Variants in TBC1D5 observed in about 807,000 individuals in gnomAD.
The protein encoded by TBC1D5 is TBC1 domain family member 5.
A neutral mutation model predicts 100.3 loss-of-function variants in TBC1D5; 75 were observed. The observed-to-expected ratio is 0.75, with a 90% CI of 0.62 to 0.91. The LOEUF is 0.91. Among genes scored for constraint, TBC1D5 ranks in the 40% least tolerant of loss-of-function variants. TBC1D5 has a pLI of 0.00. For missense variants in TBC1D5, 910 were observed against 942.4 expected (o/e 0.97, Z 0.45); for synonymous variants, 323 against 325.6 (o/e 0.99, Z 0.09).
intron 13 of TBC1D5, among the ~76,000 whole-genome samples, chr3:17,353,396 C>T (rs1486699546): frequency 6.6e-6 from 1 of 151,946 alleles, no homozygotes; most frequent in Non-Finnish European, 1.5e-5. Context: ...CTTTATAATA[C>T]ACTTTTTATA....
intron 2 of TBC1D5, among the ~76,000 whole-genome samples, chr3:17,535,221 A>C (rs1333366010): frequency 1.3e-5 from 2 of 152,192 alleles, no homozygotes; most frequent in African/African-American, 4.8e-5. Flanking sequence ...AAACACAGAG[A>C]GAAGAAACTT....
At chr3:17,631,086 CCAAGT>C (rs1211541007) in intron 1 of TBC1D5, among the ~76,000 whole-genome samples, 1 of 147,266 alleles carries the variant, frequency 6.8e-6, no homozygotes, top group Non-Finnish European at 1.5e-5. Context: ...AACCAAAAAG[CCAAGT>C]TGCAAATGCA....
intron 1 of TBC1D5, among the ~76,000 whole-genome samples, chr3:17,629,036 A>G (rs1474900106): frequency 6.6e-6 from 1 of 152,248 alleles, no homozygotes; most frequent in Non-Finnish European, 1.5e-5. Context: ...ATGCATTACT[A>G]AATCTAAATG....
rs61461313 is a variant in TBC1D5, at chr3:17,302,606, A to G, written c.1138+5386T>C. ...TTCCTTTGAGAAACTGATGAAAACT[A>G]TAGACATTTGACCCAGAGAAAGGCA... On this transcript the variant is annotated intron_variant, in intron 14 of 21. Coordinates refer to ENST00000253692, the Ensembl canonical transcript of TBC1D5. Among the ~76,000 whole-genome samples the G allele has an allele frequency of 9.2e-3, 1,393 of 152,236 alleles. 18 individuals are homozygous for G. The highest frequency in any genetic ancestry group is 0.031 in the African/African-American group (1,295 of 41,524).
At chr3:17,326,528 A>T (rs1050679490) in intron 13 of TBC1D5, among the ~76,000 whole-genome samples, 7 of 152,210 alleles carry the variant, frequency 4.6e-5, no homozygotes, top group Non-Finnish European at 1.0e-4. Context: ...GCTGGAGTAT[A>T]GCTGTACAAT....
At chr3:17,176,624 G>T (rs1428842750) in intron 19 of TBC1D5, among the ~76,000 whole-genome samples, 2 of 152,054 alleles carry the variant, frequency 1.3e-5, no homozygotes, top group African/African-American at 4.8e-5. Context: ...CACAGGGAGG[G>T]GAACATCATA....
intron 2 of TBC1D5, among the ~76,000 whole-genome samples, chr3:17,608,885 C>G (rs377282152): frequency 1.3e-5 from 2 of 152,312 alleles, no homozygotes; most frequent in East Asian, 1.9e-4. Context: ...GCCCAATTTA[C>G]TTAAGAGTAT....
At chr3:17,386,796 T>C (rs1353945711) in intron 8 of TBC1D5, among the ~76,000 whole-genome samples, 1 of 152,168 alleles carries the variant, frequency 6.6e-6, no homozygotes, top group African/African-American at 2.4e-5. Context: ...TTAAACTCCA[T>C]TAAATTTAAT....
intron 13 of TBC1D5, among the ~76,000 whole-genome samples, chr3:17,371,441 G>A (rs772828357): frequency 1.3e-5 from 2 of 152,054 alleles, no homozygotes; most frequent in Non-Finnish European, 2.9e-5. Context: ...ACTGAGCTCT[G>A]CAAATTATGT....
At chr3:17,171,687 C>T (rs1575725388) in intron 19 of TBC1D5, among the ~76,000 whole-genome samples, 4 of 152,098 alleles carry the variant, frequency 2.6e-5, no homozygotes, top group Admixed American at 2.6e-4. Context: ...CTAGTATGAT[C>T]TTATCTTCAC....
intron 2 of TBC1D5, among the ~76,000 whole-genome samples, chr3:17,556,015 A>G (rs1407333241): frequency 6.6e-6 from 1 of 151,914 alleles, no homozygotes. Flanking sequence ...GAAATTGCTG[A>G]TATTTAATAG....
At chr3:17,246,592 A>G (rs973216489) in intron 16 of TBC1D5, among the ~76,000 whole-genome samples, 34 of 152,248 alleles carry the variant, frequency 2.2e-4, no homozygotes, top group African/African-American at 7.5e-4. Context: ...GATCACACAT[A>G]TATGGCCAGT....
At chr3:17,470,090 A>C (rs896301941) in intron 3 of TBC1D5, among the ~76,000 whole-genome samples, 1 of 152,176 alleles carries the variant, frequency 6.6e-6, no homozygotes, top group African/African-American at 2.4e-5. Context: ...CCATAGTCTA[A>C]CTTTGCAGAC....
intron 3 of TBC1D5, among the ~76,000 whole-genome samples, chr3:17,470,006 T>A (rs2095354363): frequency 6.6e-6 from 1 of 152,046 alleles, no homozygotes; most frequent in Non-Finnish European, 1.5e-5. Context: ...GATGTGGCTA[T>A]AAAATAAGCT....
At chr3:17,161,083 C>T (rs774520624) in exon 22 of TBC1D5, 3 of 1,614,060 alleles carry the variant, frequency 1.9e-6, no homozygotes, top group Non-Finnish European at 2.5e-6. Flanking sequence ...CTGAGAACAC[C>T]AGTGGGGAGC....
intron 2 of TBC1D5, among the ~76,000 whole-genome samples, chr3:17,605,579 G>A (rs2061287114): frequency 6.6e-6 from 1 of 152,132 alleles, no homozygotes; most frequent in South Asian, 2.1e-4. Context: ...TTTAAAAAGA[G>A]GAAAAGGATA....
intron 2 of TBC1D5, among the ~76,000 whole-genome samples, chr3:17,533,670 C>T (rs764403771): frequency 2.6e-5 from 4 of 152,138 alleles, no homozygotes; most frequent in South Asian, 2.1e-4. Flanking sequence ...AGGTCTTTAG[C>T]ACTTACCAGC....
intron 2 of TBC1D5, among the ~76,000 whole-genome samples, chr3:17,601,495 G>C (rs1223850136): frequency 6.6e-6 from 1 of 152,096 alleles, no homozygotes; most frequent in East Asian, 1.9e-4. Context: ...TGGGCAACAA[G>C]AGCGAAACTC....
chr3:17,190,178 A>G (rs1399319420), intron 18 of TBC1D5, among the ~76,000 whole-genome samples: 3 of 152,210 alleles, frequency 2.0e-5, no homozygotes, highest in Admixed American at 6.5e-5. Context: ...TTCAAAAGTG[A>G]TGTTTGTTTG....
Sources: allele counts gnomAD v4.1 joint callset (sites outside exome capture counted in the v4.1 genomes callset), GRCh38; gene constraint gnomAD v4.1.1; transcripts MANE v1.5; gene names NCBI Gene and HGNC (gene_info 2026-07-23, HGNC 2026-07-21).